The following LSAMP variants were observed in gnomAD, a reference collection of about 807,000 sequenced individuals.
The protein encoded by LSAMP is limbic system associated membrane protein, also known as limbic system-associated membrane protein.
Under a neutral mutation model 38.6 loss-of-function variants are expected in LSAMP, and 7 were observed. The observed-to-expected ratio is 0.18, with a 90% confidence interval of 0.10 to 0.34. The LOEUF (loss-of-function observed/expected upper bound fraction) is 0.34. Ranked by LOEUF, LSAMP falls within the 10% of genes least tolerant of loss-of-function variation. The pLI, the probability that LSAMP is intolerant of heterozygous loss-of-function variation, is 1.00. For missense variants in LSAMP, 313 were observed against 420.0 expected (o/e 0.75, Z 2.23); for synonymous variants, 154 against 166.8 (o/e 0.92, Z 0.59).
chr3:116,115,756 AT>A (rs777142925), intron 1 of LSAMP, among the ~76,000 whole-genome samples: 2 of 148,650 alleles, frequency 1.3e-5, no homozygotes, highest in African/African-American at 2.4e-5. Flanking sequence ...ACATTTTCCC[AT>A]TAACTTCTAA....
intron 1 of LSAMP, among the ~76,000 whole-genome samples, chr3:116,184,471 T>TG (rs1337872958): frequency 6.6e-6 from 1 of 151,962 alleles, no homozygotes; most frequent in African/African-American, 2.4e-5. Flanking sequence ...ACCAGGTAAC[T>TG]GAGTGAGGTA....
intron 1 of LSAMP, among the ~76,000 whole-genome samples, chr3:116,214,149 T>G (rs2046193651): frequency 1.3e-5 from 2 of 152,222 alleles, no homozygotes; most frequent in Admixed American, 1.3e-4. Context: ...TCAACATTAT[T>G]AACCAAGGGC....
intron 1 of LSAMP, among the ~76,000 whole-genome samples, chr3:116,160,064 T>G (rs1237051499): frequency 6.6e-6 from 1 of 151,984 alleles, no homozygotes; most frequent in Non-Finnish European, 1.5e-5. Flanking sequence ...CAACAGACAC[T>G]GGGGCCTACT....
intron 1 of LSAMP, among the ~76,000 whole-genome samples, chr3:116,428,870 T>C (rs1339883761): frequency 6.6e-6 from 1 of 152,204 alleles, no homozygotes; most frequent in Non-Finnish European, 1.5e-5. Flanking sequence ...TGTGACATTC[T>C]TGGGAATATT....
At position 116,086,491 on chromosome 3, in the gene LSAMP, C is replaced by T; in HGVS notation, c.221G>A (p.Gly74Glu). ...WLNRSGIIFA[G>E]HDKWSLDPRV... ...TGGGTCCAGAGACCACTTGTCATGT[C>T]CAGCAAAAATGATGCCAGAACGGTT... Residue 74 changes from glycine (G) to glutamate (E), a missense_variant, in exon 2 of 7, where the codon GGA becomes GAA. Physicochemically the swap from Gly to Glu is moderately conservative, Grantham distance 98. Transcript: ENST00000490035. The T allele has an allele frequency of 6.2e-7, 1 of 1,614,118 alleles. No individual in the cohort carries two copies. Among genetic ancestry groups the T allele is most frequent in the Non-Finnish European group, 8.5e-7 (1 of 1,180,010 alleles).
intron 1 of LSAMP, among the ~76,000 whole-genome samples, chr3:116,147,910 C>T (rs190665195): frequency 1.3e-5 from 2 of 151,814 alleles, no homozygotes; most frequent in Non-Finnish European, 2.9e-5. Context: ...CCATTCTTTT[C>T]GTCTGGGTCT....
chr3:116,199,914 C>T (rs915466402), intron 1 of LSAMP, among the ~76,000 whole-genome samples: 2 of 151,798 alleles, frequency 1.3e-5, no homozygotes, highest in Non-Finnish European at 2.9e-5. Context: ...TATTGGGTGG[C>T]AGATCTTATA....
intron 1 of LSAMP, among the ~76,000 whole-genome samples, chr3:116,301,260 T>G (rs1008628113): frequency 2.0e-4 from 31 of 152,168 alleles, no homozygotes; most frequent in Non-Finnish European, 2.4e-4. Context: ...GAAGAGTAGA[T>G]CATTAAATTA....
chr3:116,191,155 G>A (rs374899575), intron 1 of LSAMP, among the ~76,000 whole-genome samples: 3 of 152,120 alleles, frequency 2.0e-5, no homozygotes, highest in African/African-American at 7.2e-5. Context: ...CCCAGGAGGT[G>A]GAGCTTGCAG....
At chr3:116,353,095 T>C (rs1446155193) in intron 1 of LSAMP, among the ~76,000 whole-genome samples, 3 of 152,114 alleles carry the variant, frequency 2.0e-5, no homozygotes, top group Non-Finnish European at 4.4e-5. Flanking sequence ...AGTGATTAGC[T>C]AGGATCTGAC....
At chr3:116,092,159 A>G (rs1708138536) in intron 1 of LSAMP, among the ~76,000 whole-genome samples, 2 of 152,208 alleles carry the variant, frequency 1.3e-5, no homozygotes, top group African/African-American at 4.8e-5. Flanking sequence ...TAATTTAACA[A>G]ATTGCATTAG....
At chr3:115,935,991 G>T (rs561764145) in intron 3 of LSAMP, among the ~76,000 whole-genome samples, 7 of 152,206 alleles carry the variant, frequency 4.6e-5, no homozygotes, top group African/African-American at 1.7e-4. Flanking sequence ...GTATTAAATT[G>T]GATTTGAACT....
intron 1 of LSAMP, among the ~76,000 whole-genome samples, chr3:116,130,777 T>A (rs1451731771): frequency 1.3e-5 from 2 of 152,096 alleles, no homozygotes; most frequent in Non-Finnish European, 2.9e-5. Context: ...TTGAAAAAAT[T>A]ACCTACCCAG....
intron 1 of LSAMP, among the ~76,000 whole-genome samples, chr3:116,287,216 T>C (rs914686710): frequency 2.0e-5 from 3 of 152,010 alleles, no homozygotes; most frequent in Admixed American, 2.0e-4. Flanking sequence ...GCAGAGAGAG[T>C]CATAAATGCA....
intron 1 of LSAMP, among the ~76,000 whole-genome samples, chr3:116,335,778 A>G (rs903250270): frequency 6.6e-6 from 1 of 152,218 alleles, no homozygotes; most frequent in Admixed American, 6.6e-5. Flanking sequence ...ATTATTTAAT[A>G]CAAATCCTGT....
intron 1 of LSAMP, among the ~76,000 whole-genome samples, chr3:116,312,333 T>G (rs191369712): frequency 8.1e-4 from 124 of 152,302 alleles, no homozygotes; most frequent in Non-Finnish European, 1.2e-3. Flanking sequence ...TGCCCATCTT[T>G]GGACTTCTCT....
intron 3 of LSAMP, among the ~76,000 whole-genome samples, chr3:115,968,085 C>T (rs1161085454): frequency 1.3e-5 from 2 of 152,080 alleles, no homozygotes; most frequent in Admixed American, 1.3e-4. Flanking sequence ...ACTCTCCCTT[C>T]AGGGAATCTG....
intron 1 of LSAMP, among the ~76,000 whole-genome samples, chr3:116,241,379 C>T (rs977253207): frequency 9.9e-5 from 15 of 151,974 alleles, no homozygotes; most frequent in African/African-American, 3.4e-4. Context: ...CCAGTCTGGC[C>T]AACATGGTAA....
intron 6 of LSAMP, among the ~76,000 whole-genome samples, chr3:115,835,928 G>A (rs1362810238): frequency 2.0e-5 from 3 of 152,180 alleles, no homozygotes. Flanking sequence ...TAAGTTTCTA[G>A]CTTTGAAAAT....
Sources: gnomAD v4.1 joint callset for allele counts (sites outside exome capture counted in the v4.1 genomes callset) on GRCh38, gnomAD v4.1.1 for gene constraint, MANE v1.5 for transcripts, NCBI Gene and HGNC (gene_info 2026-07-23, HGNC 2026-07-21) for gene names.